ANXA4: variants seen among roughly 807,000 people sequenced by gnomAD.
ANXA4 encodes the protein annexin A4, also known as 35-beta calcimedin.
In ANXA4, 39 loss-of-function variants were observed where a neutral mutation model predicts 49.8. The observed-to-expected ratio is 0.78, with a 90% confidence interval of 0.61 to 1.02. The LOEUF (loss-of-function observed/expected upper bound fraction) is 1.02. ANXA4 is among the 50% of genes least tolerant of loss of function. The pLI is 0.00. For missense variants in ANXA4, 360 were observed against 410.1 expected (o/e 0.88, Z 1.05); for synonymous variants, 134 against 152.5 (o/e 0.88, Z 0.89).
chr2:69,732,167 T>G (rs1018035733), intron 3 of ANXA4, among the ~76,000 whole-genome samples: 3 of 151,454 alleles, frequency 2.0e-5, no homozygotes, highest in Non-Finnish European at 2.9e-5. Flanking sequence ...TTAGTAAAGA[T>G]GGGGTTTCAC....
At chr2:69,655,946 G>A (rs200064297) in intron 2 of ANXA4, among the ~76,000 whole-genome samples, 90 of 152,038 alleles carry the variant, frequency 5.9e-4, no homozygotes, top group African/African-American at 2.1e-3. Context: ...AACACCACAT[G>A]TTCTCACTCG....
intron 2 of ANXA4, among the ~76,000 whole-genome samples, chr2:69,656,787 T>A (rs1331750962): frequency 6.6e-6 from 1 of 151,414 alleles, no homozygotes; most frequent in Non-Finnish European, 1.5e-5. Flanking sequence ...TGACCTCAGG[T>A]GATCTGCCTG....
rs555842281 is a variant in ANXA4 at position 69,712,065 on chromosome 2, TG to T, written n.767-8703del. Among the ~76,000 whole-genome samples the T allele has an allele frequency of 2.6e-5, 4 of 152,234 alleles. No individual in the cohort carries two copies. The South Asian group carries it at 8.3e-4, about 32-fold the overall frequency. ...TCATTCTCTTGGTCTCTCCTTTTCC[TG>T]GGGGGTCTTAGACACCATGTGTAAC... On this transcript the variant is annotated intron_variant and non_coding_transcript_variant, in intron 2 of 3. Coordinates refer to the ANXA4 transcript ENST00000418066.
intron 1 of ANXA4, among the ~76,000 whole-genome samples, chr2:69,775,177 T>A (rs764336214): frequency 6.6e-5 from 10 of 152,172 alleles, no homozygotes; most frequent in Non-Finnish European, 1.3e-4. Context: ...GTTACCAGAG[T>A]TCTTAGTGAT....
chr2:69,645,114 G>T (rs1675955662), intron 1 of ANXA4, among the ~76,000 whole-genome samples: 1 of 152,136 alleles, frequency 6.6e-6, no homozygotes, highest in African/African-American at 2.4e-5. Flanking sequence ...TATTTGAGTA[G>T]AGAAGGGTGT....
chr2:69,716,141 A>G (rs1028821085), intron 2 of ANXA4, among the ~76,000 whole-genome samples: 14 of 152,154 alleles, frequency 9.2e-5, no homozygotes, highest in Non-Finnish European at 1.9e-4. Context: ...TCATAATAAG[A>G]AGCCAAAATA....
At chr2:69,769,960 G>T (rs1573224462) in intron 1 of ANXA4, among the ~76,000 whole-genome samples, 1 of 152,286 alleles carries the variant, frequency 6.6e-6, no homozygotes, top group African/African-American at 2.4e-5. Flanking sequence ...ACTGCACCAG[G>T]CCTAAGATAC....
At chr2:69,780,920 A>AGAGG (rs1491217907) in intron 1 of ANXA4, among the ~76,000 whole-genome samples, 4 of 152,178 alleles carry the variant, frequency 2.6e-5, no homozygotes, top group Non-Finnish European at 5.9e-5. Context: ...TGATGATGAA[A>AGAGG]GAGGGGGTGC....
chr2:69,677,388 C>G (rs1006704119), intron 2 of ANXA4, among the ~76,000 whole-genome samples: 8 of 151,990 alleles, frequency 5.3e-5, no homozygotes, highest in African/African-American at 1.9e-4. Flanking sequence ...TGCCACCACG[C>G]CCTGCTGATT....
intron 2 of ANXA4, among the ~76,000 whole-genome samples, chr2:69,716,824 A>T (rs1036242248): frequency 6.6e-6 from 1 of 152,234 alleles, no homozygotes; most frequent in African/African-American, 2.4e-5. Context: ...TAAGTATCAT[A>T]CATTTAAATG....
chr2:69,779,708 A>G (rs1052375566), intron 1 of ANXA4, among the ~76,000 whole-genome samples: 7 of 152,150 alleles, frequency 4.6e-5, no homozygotes, highest in African/African-American at 1.2e-4. Context: ...CCCATGACCT[A>G]TGGTATTCTG....
At chr2:69,711,401 G>T (rs1433567989) in intron 2 of ANXA4, among the ~76,000 whole-genome samples, 1 of 152,202 alleles carries the variant, frequency 6.6e-6, no homozygotes, top group Non-Finnish European at 1.5e-5. Context: ...TAACAGCATA[G>T]ATAAATCTCA....
intron 2 of ANXA4, among the ~76,000 whole-genome samples, chr2:69,702,808 C>T (rs538667932): frequency 7.2e-5 from 11 of 152,206 alleles, no homozygotes; most frequent in Admixed American, 1.3e-4. Context: ...TTTTTTAAAA[C>T]GTAACTATAA....
intron 2 of ANXA4, among the ~76,000 whole-genome samples, chr2:69,664,717 C>T (rs1676870278): frequency 6.6e-6 from 1 of 152,166 alleles, no homozygotes; most frequent in Admixed American, 6.6e-5. Flanking sequence ...AAAACCCTAC[C>T]CCCTACCTCA....
At chr2:69,764,942 C>T (rs1671439728) in intron 1 of ANXA4, among the ~76,000 whole-genome samples, 1 of 150,286 alleles carries the variant, frequency 6.7e-6, no homozygotes, top group South Asian at 2.1e-4. Context: ...TAGTATTCAT[C>T]CTTTTGTGAC....
chr2:69,709,887 G>A (rs896043730), intron 2 of ANXA4, among the ~76,000 whole-genome samples: 2 of 149,894 alleles, frequency 1.3e-5, no homozygotes, highest in African/African-American at 4.9e-5. Flanking sequence ...CATGCTTGCT[G>A]TATAAATTTT....
intron 1 of ANXA4, among the ~76,000 whole-genome samples, chr2:69,651,796 C>G (rs922711112): frequency 3.2e-5 from 4 of 126,192 alleles, no homozygotes; most frequent in Non-Finnish European, 6.5e-5. Context: ...GCCACCGCGC[C>G]CGGCTTTTTT....
At chr2:69,770,110 G>T (rs557126723) in intron 1 of ANXA4, among the ~76,000 whole-genome samples, 5 of 152,266 alleles carry the variant, frequency 3.3e-5, no homozygotes, top group South Asian at 2.1e-4. Flanking sequence ...TATTTAAGAT[G>T]GCCTAGTAGG....
intron 1 of ANXA4, among the ~76,000 whole-genome samples, chr2:69,645,888 T>G (rs1177974479): frequency 6.6e-6 from 1 of 152,176 alleles, no homozygotes; most frequent in East Asian, 1.9e-4. Flanking sequence ...TATACTCATT[T>G]TATAGGTGGG....
Sources: allele counts gnomAD v4.1 joint callset (sites outside exome capture counted in the v4.1 genomes callset), GRCh38; gene constraint gnomAD v4.1.1; transcripts MANE v1.5; gene names NCBI Gene and HGNC (gene_info 2026-07-23, HGNC 2026-07-21).